The following COL6A2 variants were observed in gnomAD, a reference collection of about 807,000 sequenced individuals.
COL6A2 encodes the protein collagen type VI alpha 2 chain.
A neutral mutation model predicts 124.9 loss-of-function variants in COL6A2; 90 were observed. The ratio of observed to expected loss-of-function variants is 0.72; its 90% CI spans 0.61 to 0.86. COL6A2 has a LOEUF of 0.86. Among genes scored for constraint, COL6A2 ranks in the 40% least tolerant of loss-of-function variants. COL6A2 has a pLI of 0.00. For synonymous variants in COL6A2, 793 were observed against 618.2 expected, an observed-to-expected ratio of 1.28 and a Z score of -4.19; for missense variants, 1,607 against 1,502.5, an observed-to-expected ratio of 1.07 and a Z score of -1.15.
chr21:46,100,845 T>A (rs1272744535), intron 1 of COL6A2, among the ~76,000 whole-genome samples: 1 of 152,254 alleles, frequency 6.6e-6, no homozygotes, highest in Non-Finnish European at 1.5e-5. Flanking sequence ...CTACTGTGAA[T>A]GATGTGGCCA....
Position 46,102,957 on chromosome 21 carries a change from C to T in COL6A2, c.-28+4784C>T, listed in dbSNP as rs937668996. On this transcript the variant is annotated intron_variant, in intron 1 of 27. Transcript: ENST00000300527. ...TCATAAGAATGAGTTAAATAGTGTT[C>T]CCTTCTCTTCAAGTTTTTTGAAAAT... 2.9e-4 allele frequency among the ~76,000 whole-genome samples: 44 copies of T among 152,170 alleles called. 1 individual carries two copies. The highest frequency in any genetic ancestry group is 5.5e-4 in the African/African-American group (23 of 41,538).
At chr21:46,115,785 T>A (rs1694677178) in intron 5 of COL6A2, 87 bp from the exon 6 acceptor site, 1 of 1,217,000 alleles carries the variant, frequency 8.2e-7, no homozygotes, top group African/African-American at 1.5e-5. Context: ...CTCTGCTGTG[T>A]CACCTCTCAG....
At chr21:46,113,982 C>A (rs1222839996) in intron 4 of COL6A2, 26 bp from the exon 5 acceptor site, 5 of 1,610,292 alleles carry the variant, frequency 3.1e-6, no homozygotes, top group Non-Finnish European at 4.2e-6. Flanking sequence ...CCCATGCAAC[C>A]TTCTGTCTCT....
rs886042922 is a variant in COL6A2 at position 46,126,012 on chromosome 21, G to A, written c.2197G>A (p.Gly733Arg). ...TGTGTTTGCGGTGGTCATCACGGAC[G>A]GGCGCCACGACCCTCGGGACGATGA... The part of the protein sequence containing the change: ...TRVFAVVITD[G>R]RHDPRDDDLN... Residue 733 changes from glycine to arginine, a missense_variant, in exon 26 of 28, where the codon GGG (glycine) becomes AGG (arginine). Physicochemically the swap from Gly to Arg is moderately radical, Grantham distance 125. Transcript: ENST00000300527. 2.5e-6 allele frequency: 4 copies of A among 1,612,788 alleles called. No homozygotes were observed. The highest frequency in any genetic ancestry group is 3.4e-6 in the Non-Finnish European group (4 of 1,179,836).
intron 4 of COL6A2, 105 bp from the exon 5 acceptor site, chr21:46,113,903 C>T: frequency 3.2e-6 from 3 of 945,186 alleles, no homozygotes; most frequent in Non-Finnish European, 5.2e-6. Context: ...TCAGCATCTC[C>T]TTGGCCCCTG....
chr21:46,119,558 T>C (rs767970227), intron 14 of COL6A2, among the ~76,000 whole-genome samples: 34 of 152,296 alleles, frequency 2.2e-4, no homozygotes, highest in African/African-American at 7.5e-4. Context: ...AGATCATTCC[T>C]AAATCCTCGG....
At chr21:46,111,066 C>G (rs1323862032) in intron 1 of COL6A2, among the ~76,000 whole-genome samples, 1 of 152,198 alleles carries the variant, frequency 6.6e-6, no homozygotes, top group African/African-American at 2.4e-5. Flanking sequence ...CCGCCCTCCC[C>G]TCTGCACTGT....
chr21:46,127,607 G>C (rs778088070), intron 27 of COL6A2, among the ~76,000 whole-genome samples: 11 of 152,198 alleles, frequency 7.2e-5, no homozygotes, highest in Non-Finnish European at 1.3e-4. Context: ...TGGACCCTGA[G>C]GGCAGGAACC....
Position 46,116,075 on chromosome 21 carries a change from C to A in COL6A2, c.900+22C>A, listed in dbSNP as rs1462387531. ...CAAGGTGAGTGACCTCGGCCAGGGG[C>A]TTGGCTCCACCCTGAGGCCCCAGCA... On this transcript the variant is annotated intron_variant, in intron 7 of 27. Transcript: ENST00000300527. The surrounding 1 kb of genome is among the most constrained non-coding windows in gnomAD (Gnocchi z 4.6). 1.3e-6 allele frequency: 2 copies of A among 1,561,930 alleles called. No individual in the cohort carries two copies. The highest frequency in any genetic ancestry group is 1.7e-6 in the Non-Finnish European group (2 of 1,153,924).
At position 46,122,094 on chromosome 21, in the gene COL6A2, A is replaced by AT. The variant is rs1568935058; in HGVS notation, c.1522-14_1522-13insT. ...TCCTATGACCATGCTGACCGACTCA[A>AT]CGTCCTCCTCCAGGGAGACCCCGGC... On this transcript the variant is annotated splice_polypyrimidine_tract_variant and intron_variant, in intron 18 of 27. Coordinates refer to ENST00000300527, the MANE Select transcript of COL6A2 (RefSeq NM_001849.4). 1 of 1,612,518 alleles carries AT rather than the reference A, an allele frequency of 6.2e-7. No individual in the cohort carries two copies. Among genetic ancestry groups the AT allele is most frequent in the South Asian group, 1.1e-5 (1 of 91,032 alleles).
At chr21:46,123,392 C>G (rs182591647) in intron 21 of COL6A2, among the ~76,000 whole-genome samples, 17 of 152,082 alleles carry the variant, frequency 1.1e-4, no homozygotes, top group African/African-American at 3.1e-4. Context: ...ATGTCCTCCC[C>G]ACAGTTATCC....
At position 46,132,299 on chromosome 21, in the gene COL6A2, C is replaced by A. The variant is rs749697846; in HGVS notation, c.2807C>A (p.Ala936Asp). Residue 936 changes from alanine to aspartate, a missense_variant, in exon 28 of 28, where the codon GCC (alanine) becomes GAC (aspartate). Ala to Asp is a moderately radical substitution (Grantham distance 126). This residue lies in a region of COL6A2 where 1,223 missense variants were observed against 1,052.2 expected (regional missense o/e 1.16). Coordinates refer to ENST00000300527, the MANE Select transcript of COL6A2 (RefSeq NM_001849.4). ...NAIVRSPRGG[A>D]RRHAELSFVF... ...ATCGTGCGCAGCCCGCGTGGCGGGG[C>A]CCGGAGGCACGCAGAGCTGTCCTTC... 1.9e-6 allele frequency: 3 copies of A among 1,605,832 alleles called. No homozygotes were observed. Among genetic ancestry groups the A allele is most frequent in the Non-Finnish European group, 2.5e-6 (3 of 1,179,258 alleles).
At chr21:46,125,008 A>C (rs2078638240) in intron 23 of COL6A2, 88 bp downstream of exon 23, 1 of 1,508,744 alleles carries the variant, frequency 6.6e-7, no homozygotes, top group African/African-American at 1.4e-5. Context: ...GTCAGCTGGC[A>C]CGGTCAGAGA....
At position 46,118,750 on chromosome 21, in the gene COL6A2, C is replaced by T. The variant is rs1224721444; in HGVS notation, c.1179+74C>T. On this transcript the variant is annotated intron_variant, in intron 13 of 27. Coordinates refer to ENST00000300527, the MANE Select transcript of COL6A2 (RefSeq NM_001849.4). ...CCCATGGCCCAGATGAACAGTCACG[C>T]TGGCCACCATCTCTGCTGTCACCAT... 9 of 1,499,164 alleles carry T rather than the reference C, an allele frequency of 6.0e-6. No individual in the cohort carries two copies. In the African/African-American group the frequency reaches 6.9e-5, roughly 11 times the overall value. The allele number at this position is 1,499,164 out of a possible 1,614,324, so 92.9% of individuals were successfully genotyped here.
chr21:46,124,721 G>C lies in COL6A2; in HGVS notation c.1734+8G>C. 6.2e-7 allele frequency: 1 copy of C among 1,612,458 alleles called. No individual in the cohort carries two copies. The highest frequency in any genetic ancestry group is 8.5e-7 in the Non-Finnish European group (1 of 1,179,722). On this transcript the variant is annotated splice_region_variant and intron_variant, in intron 22 of 27. Transcript: ENST00000300527. ...GGAGTCCCAGGACCCGAGGTAGGTT[G>C]GTGGCCAGTCCCCATGCCCTCCCCC...
At position 46,112,519 on chromosome 21, in the gene COL6A2, T is replaced by C. The variant is rs905524411; in HGVS notation, c.656T>C (p.Met219Thr). 7.5e-6 allele frequency: 12 copies of C among 1,600,968 alleles called. No homozygotes were observed. Among genetic ancestry groups the C allele is most frequent in the East Asian group, 2.3e-5 (1 of 43,866 alleles). The change falls in exon 3 of 28, where the codon ATG (methionine) becomes ACG (threonine). Residue 219 changes from methionine to threonine, a missense_variant. Met to Thr is a moderately conservative substitution (Grantham distance 81). Coordinates refer to ENST00000300527, the MANE Select transcript of COL6A2 (RefSeq NM_001849.4). ...HELYRNDYAT[M>T]LPDSTEIDQD... is the part of the protein sequence containing the mutation. ...CTCTACCGCAACGACTACGCCACCATGCTGCCCGACTCCACCGAGATCGAC... is the reference window on the plus strand; with the variant it reads ...CTCTACCGCAACGACTACGCCACCACGCTGCCCGACTCCACCGAGATCGAC...
chr21:46,116,178 C>T lies in COL6A2; in HGVS notation c.900+125C>T, dbSNP rs1205920387. 4.2e-6 allele frequency: 5 copies of T among 1,189,036 alleles called. No homozygotes were observed. Among genetic ancestry groups the T allele is most frequent in the Non-Finnish European group, 6.1e-6 (5 of 819,578 alleles). The allele number at this position is 1,189,036 out of a possible 1,614,324, so 73.7% of individuals were successfully genotyped here. The stretch of plus-strand genomic sequence containing the variant: ...CCCCCCAGTTACCAAGGAACAGAAG[C>T]ACCTCGATAACTTGATGGCCGTCCC... On this transcript the variant is annotated intron_variant, in intron 7 of 27. Transcript: ENST00000300527. This position sits in a 1 kb window ranked among gnomAD's most constrained non-coding sequence, Gnocchi z 4.6.
At chr21:46,114,207 A>G (rs182560149) in intron 5 of COL6A2, 134 bp downstream of exon 5, 1 of 737,704 alleles carries the variant, frequency 1.4e-6, no homozygotes, top group East Asian at 2.7e-5. Context: ...CGGGCGGATC[A>G]CAACGTCAGG....
At chr21:46,111,107 C>T (rs1013692226) in intron 1 of COL6A2, among the ~76,000 whole-genome samples, 4 of 152,160 alleles carry the variant, frequency 2.6e-5, no homozygotes, top group Non-Finnish European at 5.9e-5. Context: ...GTGGGGGGCG[C>T]CAGACAGTGG....
Sources: gnomAD v4.1 joint callset for allele counts (sites outside exome capture counted in the v4.1 genomes callset) on GRCh38, gnomAD v4.1.1 for gene constraint, gnomAD v4.1.1 regional missense constraint, Gnocchi (gnomAD v3.1) non-coding constraint, MANE v1.5 for transcripts, NCBI Gene and HGNC (gene_info 2026-07-23, HGNC 2026-07-21) for gene names.